The following PTPRN2 variants were observed in gnomAD, a reference collection of about 807,000 sequenced individuals.
PTPRN2 encodes the protein protein tyrosine phosphatase receptor type N2, also known as receptor-type tyrosine-protein phosphatase N2.
In PTPRN2, 74 loss-of-function variants were observed where a neutral mutation model predicts 118.8. The ratio of observed to expected loss-of-function variants is 0.62; its 90% CI spans 0.52 to 0.76. The LOEUF (loss-of-function observed/expected upper bound fraction) is 0.76. Among genes scored for constraint, PTPRN2 ranks in the 30% least tolerant of loss-of-function variants. The pLI is 0.00. For missense variants in PTPRN2, 1,481 were observed against 1,394.4 expected, an observed-to-expected ratio of 1.06 and a Z score of -0.99; for synonymous variants, 641 against 608.0, an observed-to-expected ratio of 1.05 and a Z score of -0.80.
intron 3 of PTPRN2, among the ~76,000 whole-genome samples, chr7:158,259,226 T>C (rs12698191): frequency 0.4 from 61,264 of 151,984 alleles, 12,777 homozygotes; most frequent in African/African-American, 0.5. Context: ...CAAATGGCAG[T>C]TTGATAACCA....
intron 3 of PTPRN2, among the ~76,000 whole-genome samples, chr7:158,293,491 G>T (rs1015036957): frequency 6.6e-6 from 1 of 151,370 alleles, no homozygotes; most frequent in Non-Finnish European, 1.5e-5. Flanking sequence ...CAGGAGAATC[G>T]TTCAAACCTA....
At chr7:157,829,438 T>G (rs1418476562) in intron 12 of PTPRN2, among the ~76,000 whole-genome samples, 1 of 152,204 alleles carries the variant, frequency 6.6e-6, no homozygotes, top group Non-Finnish European at 1.5e-5. Flanking sequence ...AGGCCACAGA[T>G]GCGGGCCCGT....
At chr7:158,351,766 G>C (rs541148401) in intron 2 of PTPRN2, among the ~76,000 whole-genome samples, 1 of 152,182 alleles carries the variant, frequency 6.6e-6, no homozygotes, top group African/African-American at 2.4e-5. Context: ...TTTCATTCAG[G>C]GGGGCTTGAA....
intron 11 of PTPRN2, among the ~76,000 whole-genome samples, chr7:158,006,137 C>T (rs1449728871): frequency 6.6e-6 from 1 of 152,184 alleles, no homozygotes; most frequent in African/African-American, 2.4e-5. Context: ...TCTCCTGGGG[C>T]AGCACAGGCA....
At chr7:158,396,666 TGCTTTGTGTGC>T (rs1812536386) in intron 2 of PTPRN2, among the ~76,000 whole-genome samples, 1 of 150,298 alleles carries the variant, frequency 6.7e-6, no homozygotes, top group Non-Finnish European at 1.5e-5. Flanking sequence ...GGCTTGTGTG[TGCTTTGTGTGC>T]ACGTGTGTGT....
At chr7:158,084,679 GACGCCCATCCACACCCACC>G (rs1421929772) in intron 10 of PTPRN2, among the ~76,000 whole-genome samples, 185 of 138,984 alleles carry the variant, frequency 1.3e-3, no homozygotes, top group East Asian at 2.5e-3. Context: ...CCACACCCAC[GACGCCCATCCACACCCACC>G]ACGCCCATCC....
chr7:157,673,426 G>A (rs1334234313), intron 13 of PTPRN2, among the ~76,000 whole-genome samples: 1 of 152,214 alleles, frequency 6.6e-6, no homozygotes, highest in African/African-American at 2.4e-5. Context: ...GGATGAAGAA[G>A]GGAGCACTAT....
chr7:157,968,286 G>A (rs1802082771), intron 11 of PTPRN2, among the ~76,000 whole-genome samples: 1 of 132,526 alleles, frequency 7.5e-6, no homozygotes, highest in Non-Finnish European at 1.7e-5. Flanking sequence ...ACCTTTCCTA[G>A]GAATGCAGAG....
At chr7:158,064,682 C>G (rs898241985) in intron 11 of PTPRN2, among the ~76,000 whole-genome samples, 3 of 152,208 alleles carry the variant, frequency 2.0e-5, no homozygotes, top group African/African-American at 4.8e-5. Flanking sequence ...CAAAGCCCCC[C>G]CTGTGCCAGT....
At chr7:158,241,751 C>A (rs1795917181) in intron 3 of PTPRN2, among the ~76,000 whole-genome samples, 1 of 152,302 alleles carries the variant, frequency 6.6e-6, no homozygotes, top group Non-Finnish European at 1.5e-5. Flanking sequence ...CGTTCTACAG[C>A]TCCCCGTTCT....
intron 12 of PTPRN2, among the ~76,000 whole-genome samples, chr7:157,855,741 C>T (rs947880731): frequency 2.6e-5 from 4 of 152,066 alleles, no homozygotes; most frequent in African/African-American, 7.2e-5. Context: ...CCCAGGGGGG[C>T]GGCGATACAA....
At chr7:158,178,045 G>T (rs916602435) in intron 5 of PTPRN2, among the ~76,000 whole-genome samples, 1 of 151,934 alleles carries the variant, frequency 6.6e-6, no homozygotes, top group African/African-American at 2.4e-5. Context: ...TTTGTATTTT[G>T]TTTTTTTAAA....
rs1031853601 is a variant in PTPRN2, at chr7:158,459,300, G to C, written c.163+30435C>G. On this transcript the variant is annotated intron_variant, in intron 2 of 22. Coordinates refer to ENST00000389418, the MANE Select transcript of PTPRN2 (RefSeq NM_002847.5). The stretch of plus-strand genomic sequence containing the variant: ...CAGAATCCAGAGCCCCCACTGCCTG[G>C]GATGAATGGGCTCCAGAATCCAGAG... Among the ~76,000 whole-genome samples the C allele has an allele frequency of 2.6e-5, 4 of 151,860 alleles. No individual in the cohort carries two copies. The South Asian group carries it at 8.3e-4, about 32-fold the overall frequency.
At chr7:158,522,339 ACG>A (rs1563389820) in intron 1 of PTPRN2, among the ~76,000 whole-genome samples, 2 of 122,456 alleles carry the variant, frequency 1.6e-5, no homozygotes, top group African/African-American at 6.7e-5. Context: ...AGGGAGGTCC[ACG>A]TCACAATGGT....
rs1164291377 is a variant in PTPRN2 at position 158,570,769 on chromosome 7, C to T, written c.112+16789G>A. On this transcript the variant is annotated intron_variant, in intron 1 of 22. Coordinates refer to ENST00000389418, the MANE Select transcript of PTPRN2 (RefSeq NM_002847.5). This position sits in a 1 kb window ranked among gnomAD's most constrained non-coding sequence, Gnocchi z 4.5. ...CCCCCGTCTCCGACCACGGACTCAC[C>T]GGGAAGCACCAAGGAGAACCGCCTC... Among the ~76,000 whole-genome samples the T allele has an allele frequency of 6.6e-6, 1 of 152,214 alleles. No homozygotes were observed. The highest frequency in any genetic ancestry group is 1.5e-5 in the Non-Finnish European group (1 of 68,030).
chr7:157,813,662 C>G lies in PTPRN2; in HGVS notation c.1788+85011G>C, dbSNP rs150602684. Among the ~76,000 whole-genome samples, 2 of 152,204 alleles carry G rather than the reference C, an allele frequency of 1.3e-5. No homozygotes were observed. The highest frequency in any genetic ancestry group is 2.9e-5 in the Non-Finnish European group (2 of 68,038). ...GAGTCGCATTTCTTCCTCACTGCAT[C>G]GCTGTATTTTCCAGATGTCCACTGA... On this transcript the variant is annotated intron_variant, in intron 12 of 22. Coordinates refer to ENST00000389418, the MANE Select transcript of PTPRN2 (RefSeq NM_002847.5). This position sits in a 1 kb window ranked among gnomAD's most constrained non-coding sequence, Gnocchi z 4.7.
rs1412160598 is a variant in PTPRN2, at chr7:157,861,780, C to T, written c.1788+36893G>A. Among the ~76,000 whole-genome samples, 2 of 152,346 alleles carry T rather than the reference C, an allele frequency of 1.3e-5. No individual in the cohort carries two copies. The highest frequency in any genetic ancestry group is 2.9e-5 in the Non-Finnish European group (2 of 68,028). ...AGACACAGCGCTTCCCTCCTGCCTC[C>T]GAGCCACGCAGACGGCTTCCCTCTG... On this transcript the variant is annotated intron_variant, in intron 12 of 22. Transcript: ENST00000389418. The surrounding 1 kb of genome is among the most constrained non-coding windows in gnomAD (Gnocchi z 5.8).
chr7:158,380,006 G>A lies in PTPRN2; in HGVS notation c.164-63074C>T, dbSNP rs73176192. ...AGGTTTAGTCACTATCAGGAGAACAGCAAGGGAAAGACCCACCCCTATGAT... is the reference window on the plus strand; with the variant it reads ...AGGTTTAGTCACTATCAGGAGAACAACAAGGGAAAGACCCACCCCTATGAT... On this transcript the variant is annotated intron_variant, in intron 2 of 22. Coordinates refer to ENST00000389418, the MANE Select transcript of PTPRN2 (RefSeq NM_002847.5). 1.9e-3 allele frequency among the ~76,000 whole-genome samples: 283 copies of A among 152,242 alleles called. 2 individuals carry two copies. Among genetic ancestry groups the A allele is most frequent in the Non-Finnish European group, 3.6e-3 (247 of 68,012 alleles).
At chr7:157,571,132 T>C (rs1249327339) in intron 20 of PTPRN2, among the ~76,000 whole-genome samples, 2 of 144,822 alleles carry the variant, frequency 1.4e-5, no homozygotes, top group Non-Finnish European at 3.0e-5. Flanking sequence ...AATCGCTTGA[T>C]CCCGGGAGGT....
Sources: gnomAD v4.1 joint callset for allele counts (sites outside exome capture counted in the v4.1 genomes callset) on GRCh38, gnomAD v4.1.1 for gene constraint, Gnocchi (gnomAD v3.1) non-coding constraint, MANE v1.5 for transcripts, NCBI Gene and HGNC (gene_info 2026-07-23, HGNC 2026-07-21) for gene names.